CHSY3: variants seen among roughly 807,000 people sequenced by gnomAD.
CHSY3 encodes the protein N-acetylgalactosaminyl-proteoglycan 3-beta-glucuronosyltransferase 3.
Under a neutral mutation model 67.2 loss-of-function variants are expected in CHSY3, and 35 were observed. That is an observed-to-expected ratio of 0.52 (90% CI 0.40 to 0.69). CHSY3 has a LOEUF of 0.69. Among genes scored for constraint, CHSY3 ranks in the 30% least tolerant of loss-of-function variants. CHSY3 has a pLI of 0.00. For synonymous variants in CHSY3, 474 were observed against 434.7 expected, an observed-to-expected ratio of 1.09 and a Z score of -1.12; for missense variants, 1,069 against 1,138.5, an observed-to-expected ratio of 0.94 and a Z score of 0.88.
Position 130,184,240 on chromosome 5 carries a change from G to A in CHSY3, c.1098G>A (p.Leu366=), listed in dbSNP as rs967993676. ...ATTTTACTTTTCAGATGCAACAACT[G>A]TTCCATGAAAATTATGAACACAATC... is the stretch of plus-strand genomic sequence containing the variant. ...QCVWSYEMQQ[L]FHENYEHNRK... The change falls in exon 3 of 3, where the codon CTG becomes CTA. Residue 366 remains leucine, a synonymous_variant. Coordinates refer to ENST00000305031, the MANE Select transcript of CHSY3 (RefSeq NM_175856.5). 1.9e-6 allele frequency: 3 copies of A among 1,538,960 alleles called. No homozygotes were observed. The highest frequency in any genetic ancestry group is 2.6e-6 in the Non-Finnish European group (3 of 1,141,214).
chr5:130,110,695 T>G (rs1449797493), intron 2 of CHSY3, among the ~76,000 whole-genome samples: 1 of 151,920 alleles, frequency 6.6e-6, no homozygotes, highest in African/African-American at 2.4e-5. Context: ...ATAAAAAGCA[T>G]AGAGAATATT....
At chr5:130,178,724 G>A (rs767089294) in intron 2 of CHSY3, among the ~76,000 whole-genome samples, 1 of 152,100 alleles carries the variant, frequency 6.6e-6, no homozygotes, top group Non-Finnish European at 1.5e-5. Context: ...GATGAGAAAC[G>A]TTGAAAAAGT....
intron 2 of CHSY3, among the ~76,000 whole-genome samples, chr5:130,000,458 A>G (rs1216076215): frequency 1.3e-5 from 2 of 152,164 alleles, no homozygotes; most frequent in Non-Finnish European, 2.9e-5. Flanking sequence ...TTCTTCTAAC[A>G]TGGGTCTATA....
chr5:130,163,653 T>C (rs1769631415), intron 2 of CHSY3, among the ~76,000 whole-genome samples: 1 of 152,176 alleles, frequency 6.6e-6, no homozygotes, highest in Non-Finnish European at 1.5e-5. Flanking sequence ...TCAATACTAA[T>C]CACAGTGAGT....
rs571511850 is a variant in CHSY3 at position 130,073,676 on chromosome 5, G to T, written c.1087-110553G>T. ...GCTGGGATTACAGGCATGAGCCCCT[G>T]CACCTAGCCAAAAATAAATTTTCAA... On this transcript the variant is annotated intron_variant, in intron 2 of 2. Transcript: ENST00000305031. Among the ~76,000 whole-genome samples, 9 of 152,210 alleles carry T rather than the reference G, an allele frequency of 5.9e-5. No individual in the cohort carries two copies. The South Asian group carries it at 1.9e-3, about 32-fold the overall frequency.
chr5:130,011,254 A>T (rs1241794084), intron 2 of CHSY3, among the ~76,000 whole-genome samples: 1 of 152,220 alleles, frequency 6.6e-6, no homozygotes, highest in Admixed American at 6.5e-5. Context: ...ATCCAGCAGC[A>T]CACCAAAAAG....
chr5:130,128,557 T>C (rs1363509947), intron 2 of CHSY3, among the ~76,000 whole-genome samples: 1 of 152,120 alleles, frequency 6.6e-6, no homozygotes, highest in Non-Finnish European at 1.5e-5. Context: ...ACATAAACTT[T>C]ATTATGCAAG....
chr5:130,088,838 G>C (rs1398063949), intron 2 of CHSY3, among the ~76,000 whole-genome samples: 3 of 152,084 alleles, frequency 2.0e-5, no homozygotes, highest in African/African-American at 7.2e-5. Flanking sequence ...TCTAGAACTA[G>C]AAATACCATT....
chr5:130,048,899 T>C (rs1765237583), intron 2 of CHSY3, among the ~76,000 whole-genome samples: 1 of 151,982 alleles, frequency 6.6e-6, no homozygotes, highest in African/African-American at 2.4e-5. Context: ...GAATGAATTT[T>C]TTGTGATGCA....
chr5:130,034,693 C>G (rs909938846), intron 2 of CHSY3, among the ~76,000 whole-genome samples: 2 of 152,090 alleles, frequency 1.3e-5, no homozygotes, highest in Admixed American at 1.3e-4. Flanking sequence ...GATATGTGCT[C>G]TGTTGAAAAA....
chr5:130,140,254 G>C (rs1768818448), intron 2 of CHSY3: 1 of 320,504 alleles, frequency 3.1e-6, no homozygotes, highest in Non-Finnish European at 5.7e-6. Flanking sequence ...ATATCTGACT[G>C]GATGGAGATT....
intron 2 of CHSY3, among the ~76,000 whole-genome samples, chr5:130,102,355 G>C (rs1390598992): frequency 6.6e-6 from 1 of 151,814 alleles, no homozygotes; most frequent in Non-Finnish European, 1.5e-5. Flanking sequence ...TGTCTTTTTT[G>C]TCATTAGTCT....
chr5:130,057,886 C>CACAT (rs1445527020), intron 2 of CHSY3, among the ~76,000 whole-genome samples: 1 of 151,490 alleles, frequency 6.6e-6, no homozygotes, highest in Non-Finnish European at 1.5e-5. Flanking sequence ...CCTATGTCAA[C>CACAT]ACATACATGC....
intron 2 of CHSY3, among the ~76,000 whole-genome samples, chr5:130,107,554 T>C (rs1234150475): frequency 6.6e-6 from 1 of 151,598 alleles, no homozygotes; most frequent in Non-Finnish European, 1.5e-5. Flanking sequence ...TTGTTTTCCT[T>C]CTGCTTTATA....
At chr5:129,969,674 G>A (rs1762581288) in intron 2 of CHSY3, among the ~76,000 whole-genome samples, 1 of 151,764 alleles carries the variant, frequency 6.6e-6, no homozygotes, top group South Asian at 2.1e-4. Flanking sequence ...ATTGTTTGAA[G>A]AAATGGGTAG....
intron 2 of CHSY3, among the ~76,000 whole-genome samples, chr5:130,027,238 A>T (rs1249572947): frequency 6.6e-6 from 1 of 152,092 alleles, no homozygotes; most frequent in Admixed American, 6.6e-5. Context: ...CATATAAAGG[A>T]TTTACTCTTT....
chr5:129,963,206 G>A (rs1421141801), intron 2 of CHSY3, among the ~76,000 whole-genome samples: 1 of 151,930 alleles, frequency 6.6e-6, no homozygotes, highest in East Asian at 1.9e-4. Context: ...GGCTTGGAAA[G>A]TGGATAATAG....
At chr5:130,066,957 T>C (rs1451587880) in intron 2 of CHSY3, among the ~76,000 whole-genome samples, 1 of 152,180 alleles carries the variant, frequency 6.6e-6, no homozygotes, top group African/African-American at 2.4e-5. Context: ...GATCTGCTAA[T>C]GTAAGAAATG....
At chr5:130,012,954 A>G (rs1764110895) in intron 2 of CHSY3, among the ~76,000 whole-genome samples, 1 of 152,042 alleles carries the variant, frequency 6.6e-6, no homozygotes, top group Non-Finnish European at 1.5e-5. Flanking sequence ...TGAGCCTGTA[A>G]AATCAAAAGC....
Sources: gnomAD v4.1 joint callset for allele counts (sites outside exome capture counted in the v4.1 genomes callset) on GRCh38, gnomAD v4.1.1 for gene constraint, MANE v1.5 for transcripts, NCBI Gene and HGNC (gene_info 2026-07-23, HGNC 2026-07-21) for gene names.